RHOBTB2: variants seen among roughly 807,000 people sequenced by gnomAD.
The protein encoded by RHOBTB2 is Rho related BTB domain containing 2.
A neutral mutation model predicts 66.5 loss-of-function variants in RHOBTB2; 39 were observed. The observed-to-expected ratio is 0.59, with a 90% confidence interval of 0.45 to 0.77. RHOBTB2 has a LOEUF of 0.77. Ranked by LOEUF, RHOBTB2 falls within the 30% of genes least tolerant of loss-of-function variation. The pLI, the probability that RHOBTB2 is intolerant of heterozygous loss-of-function variation, is 0.00. For missense variants in RHOBTB2, 755 were observed against 999.1 expected, an observed-to-expected ratio of 0.76 and a Z score of 3.29; for synonymous variants, 390 against 395.0, an observed-to-expected ratio of 0.99 and a Z score of 0.15.
chr8:23,011,570 G>A (rs1454964554), intron 7 of RHOBTB2, among the ~76,000 whole-genome samples: 1 of 152,146 alleles, frequency 6.6e-6, no homozygotes, highest in East Asian at 1.9e-4. Context: ...CTCTGAGTTG[G>A]AACAAGAACT....
chr8:22,956,174 A>G, the RHOBTB2 span, among the ~76,000 whole-genome samples: 1 of 152,260 alleles, frequency 6.6e-6, no homozygotes, highest in Non-Finnish European at 1.5e-5. Flanking sequence ...AATGTCTTGC[A>G]TAACTGTAGA....
intron 9 of RHOBTB2, among the ~76,000 whole-genome samples, chr8:23,016,369 C>T (rs745762388): frequency 2.3e-4 from 35 of 152,262 alleles, no homozygotes; most frequent in Admixed American, 1.3e-4. Flanking sequence ...GTCTCCACCC[C>T]GATCTCTCCT....
chr8:22,952,492 T>A, the RHOBTB2 span, among the ~76,000 whole-genome samples: 2 of 152,260 alleles, frequency 1.3e-5, no homozygotes, highest in African/African-American at 4.8e-5. Context: ...CAGCAGTGAA[T>A]CCATAATGGT....
intron 1 of RHOBTB2, chr8:22,987,680 G>A (rs985592333): frequency 6.6e-6 from 1 of 152,326 alleles, no homozygotes; most frequent in East Asian, 1.9e-4. Flanking sequence ...ACAATTTCCA[G>A]TTCTCAGAAT....
chr8:22,973,395 A>AT, the RHOBTB2 span, among the ~76,000 whole-genome samples: 7 of 151,604 alleles, frequency 4.6e-5, no homozygotes, highest in Admixed American at 6.6e-5. Context: ...TACAGGACTA[A>AT]TTTTTTTTAT....
At chr8:22,982,419 C>T (rs576761500), upstream of RHOBTB2, among the ~76,000 whole-genome samples, 4 of 152,192 alleles carry the variant, frequency 2.6e-5, no homozygotes, top group Admixed American at 2.0e-4. Flanking sequence ...GTCAGGAGTT[C>T]GTGACCAGCC....
chr8:22,996,812 G>T (rs1205082023), upstream of RHOBTB2, among the ~76,000 whole-genome samples: 1 of 152,122 alleles, frequency 6.6e-6, no homozygotes, highest in Admixed American at 6.5e-5. Flanking sequence ...ACAGCACCTT[G>T]CTTGCTGGTG....
chr8:22,977,882 G>C, the RHOBTB2 span: 1 of 152,094 alleles, frequency 6.6e-6, no homozygotes. Context: ...GTAATGCCAG[G>C]CATGGTGGCT....
chr8:23,008,188 G>T, intron 6 of RHOBTB2, 77 bp downstream of exon 6: 1 of 1,006,244 alleles, frequency 9.9e-7, no homozygotes, highest in African/African-American at 1.6e-5. Context: ...CTGCCACTCA[G>T]GGTACTTTCT....
At chr8:22,985,191 G>A (rs1158728654), upstream of RHOBTB2, among the ~76,000 whole-genome samples, 1 of 152,198 alleles carries the variant, frequency 6.6e-6, no homozygotes, top group Non-Finnish European at 1.5e-5. Flanking sequence ...GTGGGAGCCA[G>A]GGGGCCAGTT....
Position 23,017,540 on chromosome 8 carries a change from C to T in RHOBTB2, c.*71C>T. On this transcript the variant is annotated 3_prime_UTR_variant, in exon 10 of 10. Coordinates refer to ENST00000251822, the MANE Select transcript of RHOBTB2 (RefSeq NM_015178.3). This position sits in a 1 kb window ranked among gnomAD's most constrained non-coding sequence, Gnocchi z 5.3. ...CCTTCACCCCTCTGCTCTTCCGCAT[C>T]ACCCCATCCACCTTACAGGGACCAG... 1 of 1,538,942 alleles carries T rather than the reference C, an allele frequency of 6.5e-7. No individual in the cohort carries two copies. Among genetic ancestry groups the T allele is most frequent in the Non-Finnish European group, 8.8e-7 (1 of 1,140,096 alleles).
chr8:22,962,394 C>T, the RHOBTB2 span, among the ~76,000 whole-genome samples: 1 of 151,986 alleles, frequency 6.6e-6, no homozygotes, highest in African/African-American at 2.4e-5. Flanking sequence ...ATAACTCTTA[C>T]TTTCTCTTAG....
In RHOBTB2 at chr8:23,019,381, G is replaced by C. The variant is rs1811415722; in HGVS notation, c.*1912G>C. On this transcript the variant is annotated 3_prime_UTR_variant, in exon 10 of 10. Coordinates refer to ENST00000251822, the MANE Select transcript of RHOBTB2 (RefSeq NM_015178.3). ...CCCTCCACGGCCTCCAGGGCGGCTGGCTGGAAAGCCACGCGTATGCTGCCC... is the reference window on the plus strand; with the variant it reads ...CCCTCCACGGCCTCCAGGGCGGCTGCCTGGAAAGCCACGCGTATGCTGCCC... 1.3e-5 allele frequency: 2 copies of C among 152,842 alleles called. No homozygotes were observed. Among genetic ancestry groups the C allele is most frequent in the Non-Finnish European group, 1.5e-5 (1 of 68,708 alleles). 9.5% of individuals were successfully genotyped at this position (152,842 alleles called of 1,614,324 possible).
Position 23,009,839 on chromosome 8 carries a change from G to C in RHOBTB2, c.1621-699G>C, listed in dbSNP as rs536040175. Among the ~76,000 whole-genome samples, 44 of 152,274 alleles carry C rather than the reference G, an allele frequency of 2.9e-4. No homozygotes were observed. The South Asian group carries it at 8.3e-3, about 29-fold the overall frequency. ...CAAGCCCCAGGGGCCTGCCAGCCCC[G>C]GGCACTTCTCGGTACTGTAGACGCC... On this transcript the variant is annotated intron_variant, in intron 6 of 9. Coordinates refer to ENST00000251822, the MANE Select transcript of RHOBTB2 (RefSeq NM_015178.3).
the RHOBTB2 span, among the ~76,000 whole-genome samples, chr8:22,973,994 G>A: frequency 1.1e-4 from 17 of 149,396 alleles, no homozygotes; most frequent in African/African-American, 2.3e-4. Context: ...GACCACTTCC[G>A]GGGCTCCCAG....
chr8:22,978,240 T>C, the RHOBTB2 span: 22 of 152,220 alleles, frequency 1.4e-4, no homozygotes, highest in African/African-American at 4.8e-4. Flanking sequence ...TGAAAAGTTA[T>C]GGCCCAAAAA....
At chr8:22,998,104 G>A (rs183038496), upstream of RHOBTB2, among the ~76,000 whole-genome samples, 2 of 152,260 alleles carry the variant, frequency 1.3e-5, no homozygotes, top group Admixed American at 6.5e-5. Context: ...TCCAACAACC[G>A]AGCACTTCCT....
upstream of RHOBTB2, among the ~76,000 whole-genome samples, chr8:22,997,274 G>T (rs1242745588): frequency 2.0e-5 from 3 of 151,970 alleles, no homozygotes; most frequent in Non-Finnish European, 4.4e-5. Flanking sequence ...TGATAAGAGG[G>T]AACTGATTGG....
At chr8:22,977,442 T>G in the RHOBTB2 span, among the ~76,000 whole-genome samples, 1 of 151,906 alleles carries the variant, frequency 6.6e-6, no homozygotes, top group African/African-American at 2.4e-5. Context: ...CATGGTGGTG[T>G]GTGCCTGTAG....
Sources: allele counts gnomAD v4.1 joint callset (sites outside exome capture counted in the v4.1 genomes callset), GRCh38; gene constraint gnomAD v4.1.1; non-coding constraint Gnocchi (gnomAD v3.1); transcripts MANE v1.5; gene names NCBI Gene and HGNC (gene_info 2026-07-23, HGNC 2026-07-21).